LUC7L2: variants seen among roughly 807,000 people sequenced by gnomAD.
The protein encoded by LUC7L2 is putative RNA-binding protein Luc7-like 2.
Under a neutral mutation model 52.8 loss-of-function variants are expected in LUC7L2, and 25 were observed. The observed-to-expected ratio is 0.47, with a 90% CI of 0.34 to 0.66. The LOEUF is 0.66. Among genes scored for constraint, LUC7L2 ranks in the 30% least tolerant of loss-of-function variants. The pLI, the probability that LUC7L2 is intolerant of heterozygous loss-of-function variation, is 0.01. For missense variants in LUC7L2, 328 were observed against 497.8 expected, an observed-to-expected ratio of 0.66 and a Z score of 3.25; for synonymous variants, 144 against 160.9, an observed-to-expected ratio of 0.89 and a Z score of 0.80.
intron 2 of LUC7L2, among the ~76,000 whole-genome samples, chr7:139,383,668 G>A (rs1585098295): frequency 6.6e-6 from 1 of 151,074 alleles, no homozygotes; most frequent in African/African-American, 2.4e-5. Flanking sequence ...CGCCCACCTC[G>A]GCCTTCCAAA....
At chr7:139,394,025 G>A (rs375754098) in intron 2 of LUC7L2, among the ~76,000 whole-genome samples, 13 of 152,154 alleles carry the variant, frequency 8.5e-5, no homozygotes, top group African/African-American at 3.1e-4. Context: ...CAAGGACTTA[G>A]AGCCCAGAAA....
intron 3 of LUC7L2, among the ~76,000 whole-genome samples, chr7:139,401,307 T>C (rs1794905104): frequency 6.6e-6 from 1 of 152,224 alleles, no homozygotes; most frequent in Non-Finnish European, 1.5e-5. Flanking sequence ...TGTATAGTTT[T>C]CCATTTTTTC....
chr7:139,371,824 C>T (rs1800467862), intron 1 of LUC7L2, among the ~76,000 whole-genome samples: 1 of 151,970 alleles, frequency 6.6e-6, no homozygotes, highest in African/African-American at 2.4e-5. Flanking sequence ...GTCTATATTC[C>T]CTGGTGGAAC....
upstream of LUC7L2, among the ~76,000 whole-genome samples, chr7:139,357,432 TAAAA>T (rs763155412): frequency 6.6e-5 from 10 of 151,808 alleles, no homozygotes; most frequent in South Asian, 6.2e-4. Flanking sequence ...ACATCTAAAA[TAAAA>T]AAAAGAACTC....
At chr7:139,368,061 C>G (rs1800255245) in intron 1 of LUC7L2, among the ~76,000 whole-genome samples, 1 of 152,164 alleles carries the variant, frequency 6.6e-6, no homozygotes, top group African/African-American at 2.4e-5. Flanking sequence ...TTGAAAACTT[C>G]CTGTTACAAT....
At chr7:139,362,449 T>G (rs1689758787) in intron 1 of LUC7L2, among the ~76,000 whole-genome samples, 1 of 152,110 alleles carries the variant, frequency 6.6e-6, no homozygotes, top group African/African-American at 2.4e-5. Flanking sequence ...AAACGTCCCC[T>G]GAATAACACC....
rs754174949 is a variant in LUC7L2, at chr7:139,398,579, A to G, written c.157-20A>G. The G allele has an allele frequency of 2.5e-6, 4 of 1,578,030 alleles. No individual in the cohort carries two copies. Among genetic ancestry groups the G allele is most frequent in the East Asian group, 4.5e-5 (2 of 44,338 alleles). ...AAAAACTTTTTTTTGTTTTAATATT[A>G]TGTCTTTTTTCCCTTCCAGAGAATG... On this transcript the variant is annotated intron_variant, in intron 2 of 9. Coordinates refer to ENST00000354926, the MANE Select transcript of LUC7L2 (RefSeq NM_016019.5).
intron 9 of LUC7L2, among the ~76,000 whole-genome samples, chr7:139,419,883 T>C (rs1358180381): frequency 6.6e-6 from 1 of 152,258 alleles, no homozygotes; most frequent in Admixed American, 6.5e-5. Context: ...CATCATTCTT[T>C]GTTTTATACT....
intron 1 of LUC7L2, among the ~76,000 whole-genome samples, chr7:139,370,146 C>A (rs1358330834): frequency 1.3e-5 from 2 of 152,088 alleles, no homozygotes; most frequent in Admixed American, 6.5e-5. Flanking sequence ...GGTGATGAGT[C>A]CTTTTGTAAA....
intron 1 of LUC7L2, among the ~76,000 whole-genome samples, chr7:139,342,412 G>A (rs1416968198): frequency 1.3e-5 from 2 of 152,164 alleles, no homozygotes; most frequent in Non-Finnish European, 2.9e-5. Context: ...GAAAGCCCAA[G>A]GGGAGAAAAA....
chr7:139,417,823 T>C, intron 9 of LUC7L2, 94 bp downstream of exon 9: 1 of 1,467,180 alleles, frequency 6.8e-7, no homozygotes, highest in Non-Finnish European at 9.1e-7. Flanking sequence ...GTTCAGATTA[T>C]TGGTTTGAAA....
At chr7:139,389,729 T>A (rs2131254182) in intron 2 of LUC7L2, among the ~76,000 whole-genome samples, 1 of 152,308 alleles carries the variant, frequency 6.6e-6, no homozygotes, top group Non-Finnish European at 1.5e-5. Context: ...ATTGAGTACC[T>A]ATTATGTGGT....
At chr7:139,363,288 A>G in intron 1 of LUC7L2, 11 of 967,732 alleles carry the variant, frequency 1.1e-5, no homozygotes, top group Non-Finnish European at 1.4e-5. Context: ...CACACTATAT[A>G]AAGTTTGTAT....
rs571001921 is a variant in LUC7L2 at position 139,360,231 on chromosome 7, C to T, written c.-31C>T. ...CCAAAAGGGCCCGGTCTGCGCCCCA[C>T]CCCCGCCCGTCCGCCCGCTACGCCG... On this transcript the variant is annotated 5_prime_UTR_variant, in exon 1 of 10. Transcript: ENST00000354926. 1.9e-5 allele frequency: 29 copies of T among 1,535,524 alleles called. No homozygotes were observed. The highest frequency in any genetic ancestry group is 1.2e-4 in the South Asian group (10 of 83,580).
intron 2 of LUC7L2, among the ~76,000 whole-genome samples, chr7:139,395,947 A>C (rs1794646482): frequency 6.6e-6 from 1 of 152,152 alleles, no homozygotes; most frequent in African/African-American, 2.4e-5. Flanking sequence ...TGTGGCCAGA[A>C]ACATTGTGTG....
chr7:139,360,203 A>G lies in LUC7L2; in HGVS notation c.-59A>G. 4.3e-6 allele frequency: 5 copies of G among 1,152,818 alleles called. No individual in the cohort carries two copies. The highest frequency in any genetic ancestry group is 6.2e-6 in the Non-Finnish European group (5 of 804,794). The allele number at this position is 1,152,818 out of a possible 1,614,324, so 71.4% of individuals were successfully genotyped here. ...CCCCCATCCCTTCCCCTTATCCCCC[A>G]GCCCAAAAGGGCCCGGTCTGCGCCC... On this transcript the variant is annotated 5_prime_UTR_variant, in exon 1 of 10. Coordinates refer to ENST00000354926, the MANE Select transcript of LUC7L2 (RefSeq NM_016019.5).
At chr7:139,370,207 G>A (rs1488452155) in intron 1 of LUC7L2, among the ~76,000 whole-genome samples, 1 of 152,184 alleles carries the variant, frequency 6.6e-6, no homozygotes, top group Non-Finnish European at 1.5e-5. Context: ...TAAACTGAGT[G>A]TATATATTAA....
intron 3 of LUC7L2, among the ~76,000 whole-genome samples, chr7:139,399,204 T>G (rs1318520338): frequency 6.6e-6 from 1 of 152,034 alleles, no homozygotes; most frequent in Non-Finnish European, 1.5e-5. Flanking sequence ...GTACAGACAT[T>G]TTGTTCTTGT....
At chr7:139,372,585 A>G (rs1225050658) in intron 1 of LUC7L2, among the ~76,000 whole-genome samples, 1 of 152,082 alleles carries the variant, frequency 6.6e-6, no homozygotes, top group Non-Finnish European at 1.5e-5. Context: ...AGTACTACCT[A>G]ATTGAAACAC....
Sources: allele counts gnomAD v4.1 joint callset (sites outside exome capture counted in the v4.1 genomes callset), GRCh38; gene constraint gnomAD v4.1.1; transcripts MANE v1.5; gene names NCBI Gene and HGNC (gene_info 2026-07-23, HGNC 2026-07-21).